Variants in VPS13B observed in about 807,000 individuals in gnomAD.
VPS13B encodes the protein vacuolar protein sorting 13 homolog B, also known as intermembrane lipid transfer protein VPS13B.
A neutral mutation model predicts 426.4 loss-of-function variants in VPS13B; 285 were observed. The observed-to-expected ratio is 0.67, with a 90% confidence interval of 0.61 to 0.74. The LOEUF (loss-of-function observed/expected upper bound fraction) is 0.74. VPS13B is among the 30% of genes least tolerant of loss of function. VPS13B has a pLI of 0.00. For missense variants in VPS13B, 4,537 were observed against 4,782.6 expected (o/e 0.95, Z 1.51); for synonymous variants, 1,676 against 1,676.4 (o/e 1.00, Z 0.01).
intron 3 of VPS13B, among the ~76,000 whole-genome samples, chr8:99,060,510 G>T (rs1844122807): frequency 6.6e-6 from 1 of 151,958 alleles, no homozygotes; most frequent in South Asian, 2.1e-4. Flanking sequence ...TCAGGAGGCT[G>T]AGGTGGGGGA....
At chr8:99,454,907 T>A (rs1818373758) in intron 23 of VPS13B, among the ~76,000 whole-genome samples, 1 of 152,190 alleles carries the variant, frequency 6.6e-6, no homozygotes, top group African/African-American at 2.4e-5. Flanking sequence ...ATACGCTTAT[T>A]TGCCATCTGT....
At chr8:99,698,357 G>A (rs867986166) in intron 35 of VPS13B, among the ~76,000 whole-genome samples, 3 of 152,108 alleles carry the variant, frequency 2.0e-5, no homozygotes, top group African/African-American at 7.2e-5. Context: ...CCAGGGAAGA[G>A]AATGAGGACC....
intron 30 of VPS13B, among the ~76,000 whole-genome samples, chr8:99,551,877 G>A (rs1399073130): frequency 2.6e-5 from 4 of 151,746 alleles, no homozygotes; most frequent in Non-Finnish European, 4.4e-5. Context: ...TATTTCTTGG[G>A]ATACTTTGGG....
intron 43 of VPS13B, among the ~76,000 whole-genome samples, chr8:99,796,152 G>T (rs946921696): frequency 1.3e-5 from 2 of 152,148 alleles, no homozygotes; most frequent in African/African-American, 4.8e-5. Context: ...TAGGGGGATA[G>T]AATTATCAGT....
intron 8 of VPS13B, among the ~76,000 whole-genome samples, chr8:99,129,961 G>A (rs1809690924): frequency 6.6e-6 from 1 of 152,160 alleles, no homozygotes; most frequent in Non-Finnish European, 1.5e-5. Context: ...AGGCTGCAGT[G>A]ACCCATGATC....
Position 99,661,358 on chromosome 8 carries a change from T to C in VPS13B, c.5913T>C (p.Pro1971=). The change falls in exon 35 of 62, where the codon CCT becomes CCC. Residue 1971 remains proline, a synonymous_variant. Transcript: ENST00000357162. ...GVASDYKCID[P]GKTLPEALDY... ...ATTTCAATTTTGTCACTTTAGATCC[T>C]GGGAAGACTCTGCCTGAAGCCCTTG... The C allele has an allele frequency of 1.2e-6, 2 of 1,613,626 alleles. No homozygotes were observed. The highest frequency in any genetic ancestry group is 1.7e-6 in the Non-Finnish European group (2 of 1,179,736).
intron 39 of VPS13B, among the ~76,000 whole-genome samples, chr8:99,727,892 G>C (rs532988382): frequency 6.6e-6 from 1 of 152,346 alleles, no homozygotes; most frequent in East Asian, 1.9e-4. Context: ...TAAGAGTCTG[G>C]TTCACCTGGT....
At chr8:99,530,643 CAGT>C (rs1386857287) in intron 30 of VPS13B, among the ~76,000 whole-genome samples, 1 of 151,470 alleles carries the variant, frequency 6.6e-6, no homozygotes, top group Non-Finnish European at 1.5e-5. Context: ...GTAGCAGCAG[CAGT>C]AGTAGCAGCA....
At chr8:99,758,006 A>AT (rs1295401643) in intron 39 of VPS13B, among the ~76,000 whole-genome samples, 1 of 152,100 alleles carries the variant, frequency 6.6e-6, no homozygotes, top group Non-Finnish European at 1.5e-5. Context: ...TTTCTAAACT[A>AT]TTTTTTTGGC....
intron 3 of VPS13B, among the ~76,000 whole-genome samples, chr8:99,055,747 T>C (rs13270726): frequency 0.014 from 2,123 of 152,188 alleles, 16 homozygotes; most frequent in Middle Eastern, 0.044. Context: ...TATTTATTTT[T>C]GAGATGAGGT....
intron 3 of VPS13B, among the ~76,000 whole-genome samples, chr8:99,048,417 G>C (rs573584851): frequency 3.3e-5 from 5 of 152,142 alleles, no homozygotes; most frequent in African/African-American, 7.2e-5. Context: ...ACTTTCTGTC[G>C]TGATAACCTG....
intron 19 of VPS13B, among the ~76,000 whole-genome samples, chr8:99,326,119 CA>C (rs1810244043): frequency 6.6e-6 from 1 of 151,888 alleles, no homozygotes; most frequent in Non-Finnish European, 1.5e-5. Flanking sequence ...CTATTCTGTG[CA>C]CAGAAAAACA....
At chr8:99,668,347 C>A (rs545669951) in intron 35 of VPS13B, among the ~76,000 whole-genome samples, 1 of 145,532 alleles carries the variant, frequency 6.9e-6, no homozygotes, top group African/African-American at 2.5e-5. Context: ...CAGAGTAAGA[C>A]CCTGTCTCAA....
chr8:99,728,255 A>G (rs954819808), intron 39 of VPS13B, among the ~76,000 whole-genome samples: 7 of 152,182 alleles, frequency 4.6e-5, no homozygotes, highest in South Asian at 4.1e-4. Flanking sequence ...TGGTTAATCC[A>G]TCACATTAAA....
intron 30 of VPS13B, among the ~76,000 whole-genome samples, chr8:99,524,562 G>T (rs117869549): frequency 1.3e-5 from 2 of 152,170 alleles, no homozygotes; most frequent in African/African-American, 4.8e-5. Flanking sequence ...AAAGCTTTAC[G>T]TGGGAGGATT....
chr8:99,717,964 A>G (rs948193709), intron 37 of VPS13B, among the ~76,000 whole-genome samples: 1 of 152,208 alleles, frequency 6.6e-6, no homozygotes, highest in African/African-American at 2.4e-5. Flanking sequence ...TTTGGCTGCT[A>G]TGAATAATGC....
At chr8:99,610,267 C>T (rs938314463) in intron 33 of VPS13B, among the ~76,000 whole-genome samples, 12 of 152,060 alleles carry the variant, frequency 7.9e-5, no homozygotes, top group African/African-American at 2.4e-4. Context: ...TATAAATCAT[C>T]CTACTATAAA....
rs181832438 is a variant in VPS13B at position 99,531,363 on chromosome 8, T to G, written c.4745+10353T>G. Among the ~76,000 whole-genome samples the G allele has an allele frequency of 9.1e-4, 139 of 152,296 alleles. 2 individuals are homozygous for G. The highest frequency in any genetic ancestry group is 3.3e-3 in the African/African-American group (137 of 41,578). ...AGATGAGTAATGACCAGATAAATAT[T>G]TACATAGATGTTGTATCTGATTAAC... On this transcript the variant is annotated intron_variant, in intron 30 of 61. Transcript: ENST00000357162.
At chr8:99,433,269 T>C (rs1047630414) in intron 22 of VPS13B, among the ~76,000 whole-genome samples, 1 of 152,210 alleles carries the variant, frequency 6.6e-6, no homozygotes, top group Non-Finnish European at 1.5e-5. Flanking sequence ...GCATTCCTTG[T>C]CTGTCAGTGT....
Sources: gnomAD v4.1 joint callset for allele counts (sites outside exome capture counted in the v4.1 genomes callset) on GRCh38, gnomAD v4.1.1 for gene constraint, MANE v1.5 for transcripts, NCBI Gene and HGNC (gene_info 2026-07-23, HGNC 2026-07-21) for gene names.